The following MARCHF4 variants were observed in gnomAD, a reference collection of about 807,000 sequenced individuals.
MARCHF4 encodes E3 ubiquitin-protein ligase MARCHF4.
MARCHF4 carries 14 observed loss-of-function variants against 43.9 expected under a neutral mutation model. That is an observed-to-expected ratio of 0.32 (90% CI 0.21 to 0.50). MARCHF4 has a LOEUF of 0.50. MARCHF4 is among the 20% of genes least tolerant of loss of function. The pLI, the probability that MARCHF4 is intolerant of heterozygous loss-of-function variation, is 0.98. For synonymous variants in MARCHF4, 226 were observed against 213.3 expected, an observed-to-expected ratio of 1.06 and a Z score of -0.52; for missense variants, 468 against 536.7, an observed-to-expected ratio of 0.87 and a Z score of 1.27.
intron 1 of MARCHF4, among the ~76,000 whole-genome samples, chr2:216,328,924 GC>G (rs769890137): frequency 2.6e-5 from 4 of 152,108 alleles, no homozygotes; most frequent in Non-Finnish European, 5.9e-5. Context: ...TGTAATTCCA[GC>G]TACTCTGGAG....
At chr2:216,357,598 G>T (rs985736230) in intron 1 of MARCHF4, among the ~76,000 whole-genome samples, 1 of 152,238 alleles carries the variant, frequency 6.6e-6, no homozygotes, top group Non-Finnish European at 1.5e-5. Context: ...TGGGATTAAA[G>T]GCATGAGCCA....
At chr2:216,292,499 A>C (rs1691323947) in intron 1 of MARCHF4, among the ~76,000 whole-genome samples, 1 of 152,220 alleles carries the variant, frequency 6.6e-6, no homozygotes, top group Non-Finnish European at 1.5e-5. Flanking sequence ...GAGAAGAATA[A>C]GGAGAGATGA....
At chr2:216,326,896 A>C (rs4672794) in intron 1 of MARCHF4, among the ~76,000 whole-genome samples, 2 of 151,450 alleles carry the variant, frequency 1.3e-5, no homozygotes, top group African/African-American at 4.9e-5. Context: ...CACCAGCATG[A>C]CACATGTATA....
At chr2:216,354,903 CTTTCTTTCTTTCTT>C (rs1353428605) in intron 1 of MARCHF4, among the ~76,000 whole-genome samples, 7 of 55,236 alleles carry the variant, frequency 1.3e-4, no homozygotes, top group African/African-American at 6.5e-4. Context: ...TTCTTTCTTT[CTTTCTTTCTTTCTT>C]TCTTTCTTTC....
chr2:216,343,412 A>T (rs1230810056), intron 1 of MARCHF4, among the ~76,000 whole-genome samples: 1 of 152,132 alleles, frequency 6.6e-6, no homozygotes, highest in Non-Finnish European at 1.5e-5. Context: ...AAGGACACTA[A>T]TCCCATCATG....
chr2:216,275,895 A>G (rs1691013641), intron 3 of MARCHF4, among the ~76,000 whole-genome samples: 1 of 152,286 alleles, frequency 6.6e-6, no homozygotes, highest in South Asian at 2.1e-4. Flanking sequence ...TTCATCTAGG[A>G]AAATAGCACA....
At chr2:216,359,299 G>A (rs1021551176) in intron 1 of MARCHF4, among the ~76,000 whole-genome samples, 1 of 152,100 alleles carries the variant, frequency 6.6e-6, no homozygotes, top group African/African-American at 2.4e-5. Flanking sequence ...TTGTAGCCAA[G>A]CACCCCCATT....
At chr2:216,341,223 G>A (rs1032869053) in intron 1 of MARCHF4, among the ~76,000 whole-genome samples, 1 of 152,186 alleles carries the variant, frequency 6.6e-6, no homozygotes, top group African/African-American at 2.4e-5. Flanking sequence ...TGAGATGGCT[G>A]TTCTGTTTGT....
At position 216,320,789 on chromosome 2, in the gene MARCHF4, G is replaced by C. The variant is rs374660926; in HGVS notation, c.517-37060C>G. 1.9e-4 allele frequency among the ~76,000 whole-genome samples: 28 copies of C among 147,616 alleles called. No homozygotes were observed. The East Asian group carries it at 4.2e-3, about 22-fold the overall frequency. Reference sequence around the variant, plus strand: ...AGGTTCAAATGATTCTCCTGCCTCAGCCTCCTGAGTAGCTGGGATTACAGG... The same window carrying C: ...AGGTTCAAATGATTCTCCTGCCTCACCCTCCTGAGTAGCTGGGATTACAGG... On this transcript the variant is annotated intron_variant, in intron 1 of 3. Coordinates refer to ENST00000273067, the MANE Select transcript of MARCHF4 (RefSeq NM_020814.3).
Position 216,259,267 on chromosome 2 carries a change from C to T in MARCHF4, c.*45G>A, listed in dbSNP as rs768558708. The T allele has an allele frequency of 1.2e-5, 18 of 1,507,544 alleles. No homozygotes were observed. The highest frequency in any genetic ancestry group is 9.0e-5 in the Admixed American group (4 of 44,312). 93.4% of individuals were successfully genotyped at this position (1,507,544 alleles called of 1,614,324 possible). On this transcript the variant is annotated 3_prime_UTR_variant, in exon 4 of 4. Transcript: ENST00000273067. Reference sequence around the variant, plus strand: ...GCCACTGCACCTCCCCACCCTGCTCCGGGCCCTCAGTGGTGGTCATGGCCT... The same window carrying T: ...GCCACTGCACCTCCCCACCCTGCTCTGGGCCCTCAGTGGTGGTCATGGCCT...
At chr2:216,363,386 G>A in intron 1 of MARCHF4, among the ~76,000 whole-genome samples, 1 of 152,256 alleles carries the variant, frequency 6.6e-6, no homozygotes, top group Non-Finnish European at 1.5e-5. Context: ...GCCCGTGAAA[G>A]TGAGACAGAT....
intron 1 of MARCHF4, among the ~76,000 whole-genome samples, chr2:216,353,458 T>C (rs1692432329): frequency 6.6e-6 from 1 of 152,216 alleles, no homozygotes; most frequent in African/African-American, 2.4e-5. Context: ...TTCACTGATA[T>C]TTTCTAGTCT....
chr2:216,290,890 T>C (rs185756420), intron 1 of MARCHF4, among the ~76,000 whole-genome samples: 28 of 152,176 alleles, frequency 1.8e-4, no homozygotes, highest in East Asian at 5.8e-4. Context: ...GGAGGAAAGA[T>C]TGGGAGCTCA....
intron 3 of MARCHF4, among the ~76,000 whole-genome samples, chr2:216,263,525 G>A (rs1049443701): frequency 3.4e-5 from 5 of 149,046 alleles, no homozygotes; most frequent in South Asian, 2.2e-4. Context: ...GAGAGAGAGA[G>A]AGAGAGAGAG....
chr2:216,322,192 A>G (rs1051286815), intron 1 of MARCHF4, among the ~76,000 whole-genome samples: 1 of 152,236 alleles, frequency 6.6e-6, no homozygotes, highest in Non-Finnish European at 1.5e-5. Flanking sequence ...CAAAGGCAGC[A>G]TCTCCTAAAA....
intron 1 of MARCHF4, among the ~76,000 whole-genome samples, chr2:216,356,555 C>T (rs1345589889): frequency 6.6e-6 from 1 of 152,154 alleles, no homozygotes; most frequent in African/African-American, 2.4e-5. Flanking sequence ...AGCCACACAG[C>T]TAGTAAATGC....
chr2:216,283,773 G>T, intron 1 of MARCHF4, 44 bp from the exon 2 acceptor site: 3 of 1,531,272 alleles, frequency 2.0e-6, no homozygotes, highest in Non-Finnish European at 2.7e-6. Context: ...GACCTACAGT[G>T]GCTGGTGGGT....
chr2:216,298,256 G>GTTTT (rs559410456), intron 1 of MARCHF4, among the ~76,000 whole-genome samples: 6 of 66,766 alleles, frequency 9.0e-5, no homozygotes, highest in East Asian at 6.3e-4. Flanking sequence ...AGTCTTTTAG[G>GTTTT]TTTTTTTTTT....
intron 3 of MARCHF4, chr2:216,266,001 A>C (rs1690839784): frequency 6.6e-6 from 1 of 152,192 alleles, no homozygotes; most frequent in South Asian, 2.1e-4. Flanking sequence ...GAAGGTTCTA[A>C]ATTTTGATCA....
Sources: gnomAD v4.1 joint callset for allele counts (sites outside exome capture counted in the v4.1 genomes callset) on GRCh38, gnomAD v4.1.1 for gene constraint, MANE v1.5 for transcripts, NCBI Gene and HGNC (gene_info 2026-07-23, HGNC 2026-07-21) for gene names.